The following RUNX1 variants were observed in gnomAD, a reference collection of about 807,000 sequenced individuals.
RUNX1 encodes runt-related transcription factor 1.
In RUNX1, 19 loss-of-function variants were observed where a neutral mutation model predicts 42.8. The ratio of observed to expected loss-of-function variants is 0.44; its 90% CI spans 0.31 to 0.65. RUNX1 has a LOEUF of 0.65. Among genes scored for constraint, RUNX1 ranks in the 30% least tolerant of loss-of-function variants. The pLI is 0.07. For synonymous variants in RUNX1, 271 were observed against 289.4 expected, an observed-to-expected ratio of 0.94 and a Z score of 0.64; for missense variants, 528 against 672.0, an observed-to-expected ratio of 0.79 and a Z score of 2.37.
chr21:34,810,829 T>A (rs565639674), intron 7 of RUNX1, among the ~76,000 whole-genome samples: 47 of 152,266 alleles, frequency 3.1e-4, no homozygotes, highest in African/African-American at 1.1e-3. Context: ...TACTGTTGGC[T>A]TAGCTGGTTG....
At chr21:34,861,219 T>C (rs1377078968) in intron 5 of RUNX1, among the ~76,000 whole-genome samples, 11 of 152,196 alleles carry the variant, frequency 7.2e-5, no homozygotes, top group Admixed American at 7.2e-4. Context: ...CTCTGGATGC[T>C]TTCCTACCGT....
rs1348569095 is a variant in RUNX1, at chr21:34,792,646, T to A, written c.968-36A>T. On this transcript the variant is annotated intron_variant, in intron 8 of 8. Coordinates refer to ENST00000675419, the MANE Select transcript of RUNX1 (RefSeq NM_001754.5). The surrounding 1 kb of genome is among the most constrained non-coding windows in gnomAD (Gnocchi z 6.9). ...GGCAAGAGAACGGAGCGGAAGTGAG[T>A]AGGAGGTTGCGGAGGCCACAGCTCT... 4.6e-6 allele frequency: 7 copies of A among 1,534,826 alleles called. No homozygotes were observed. The highest frequency in any genetic ancestry group is 2.0e-5 in the Admixed American group (1 of 50,804).
intron 2 of RUNX1, among the ~76,000 whole-genome samples, chr21:34,927,735 T>C (rs2058406826): frequency 6.6e-6 from 1 of 152,188 alleles, no homozygotes; most frequent in Admixed American, 6.5e-5. Context: ...GCCTGCCACA[T>C]AGTAGGCTCG....
intron 2 of RUNX1, among the ~76,000 whole-genome samples, chr21:34,974,125 A>C (rs987473703): frequency 2.6e-5 from 4 of 152,182 alleles, no homozygotes; most frequent in African/African-American, 9.7e-5. Flanking sequence ...CGTAAAAGCC[A>C]AGTGCAAAGA....
chr21:34,834,341 A>G, intron 7 of RUNX1, 69 bp downstream of exon 7: 1 of 1,513,600 alleles, frequency 6.6e-7, no homozygotes, highest in Non-Finnish European at 9.2e-7. Context: ...GTGTGTGCAC[A>G]TGGGGGCCAG....
At chr21:35,014,716 C>A (rs183190152) in intron 2 of RUNX1, among the ~76,000 whole-genome samples, 248 of 152,352 alleles carry the variant, frequency 1.6e-3, no homozygotes, top group African/African-American at 5.6e-3. Flanking sequence ...ATGGGCACTG[C>A]CAGGGCGTCC....
intron 2 of RUNX1, among the ~76,000 whole-genome samples, chr21:34,994,798 A>C (rs960350645): frequency 1.3e-5 from 2 of 152,226 alleles, no homozygotes; most frequent in African/African-American, 4.8e-5. Context: ...GTTGTAGTTA[A>C]ATTGGTCAAT....
intron 2 of RUNX1, among the ~76,000 whole-genome samples, chr21:34,924,384 G>T (rs1569107174): frequency 6.6e-6 from 1 of 152,198 alleles, no homozygotes; most frequent in Non-Finnish European, 1.5e-5. Context: ...GTGGCACAGG[G>T]TGGCTGGTGA....
intron 6 of RUNX1, 145 bp from the exon 7 acceptor site, chr21:34,834,746 G>A: frequency 2.7e-6 from 2 of 735,640 alleles, no homozygotes; most frequent in South Asian, 3.5e-5. Flanking sequence ...AGACTCGCTA[G>A]AGATATGCCA....
chr21:35,030,869 A>T (rs1235048833), intron 2 of RUNX1, among the ~76,000 whole-genome samples: 2 of 152,212 alleles, frequency 1.3e-5, no homozygotes, highest in Non-Finnish European at 2.9e-5. Flanking sequence ...AACTCAAACA[A>T]CTCAATAGCA....
chr21:34,970,324 A>G (rs1337311911), intron 2 of RUNX1, among the ~76,000 whole-genome samples: 2 of 152,224 alleles, frequency 1.3e-5, no homozygotes, highest in South Asian at 4.1e-4. Context: ...GATGACTCCA[A>G]CACCATTAAG....
At chr21:34,891,709 A>T (rs114360994) in intron 3 of RUNX1, among the ~76,000 whole-genome samples, 26,905 of 145,900 alleles carry the variant, frequency 0.18, 4,082 homozygotes, top group African/African-American at 0.42. Context: ...TGCAAAATTA[A>T]AAAAAAAAAA....
chr21:34,806,844 G>A (rs2056686943), intron 7 of RUNX1, among the ~76,000 whole-genome samples: 1 of 152,084 alleles, frequency 6.6e-6, no homozygotes, highest in Non-Finnish European at 1.5e-5. Context: ...AATATTTGGA[G>A]ATTAAACAAC....
At chr21:34,991,847 G>C (rs2058944732) in intron 2 of RUNX1, among the ~76,000 whole-genome samples, 1 of 152,188 alleles carries the variant, frequency 6.6e-6, no homozygotes, top group Non-Finnish European at 1.5e-5. Context: ...TCTAATGACT[G>C]ATGTCCTTAT....
intron 8 of RUNX1, among the ~76,000 whole-genome samples, chr21:34,796,721 G>A (rs1450130830): frequency 6.6e-6 from 1 of 152,164 alleles, no homozygotes; most frequent in Non-Finnish European, 1.5e-5. Flanking sequence ...GGTAATGGCT[G>A]CCTTAAAAGG....
At chr21:35,014,190 C>T (rs1448247166) in intron 2 of RUNX1, among the ~76,000 whole-genome samples, 1 of 152,114 alleles carries the variant, frequency 6.6e-6, no homozygotes, top group Admixed American at 6.5e-5. Flanking sequence ...TCTTAGTTAA[C>T]CAGAATCAGC....
chr21:34,832,553 G>A (rs541801465), intron 7 of RUNX1, among the ~76,000 whole-genome samples: 102 of 152,222 alleles, frequency 6.7e-4, no homozygotes, highest in African/African-American at 2.3e-3. Flanking sequence ...TCTTCCTTTT[G>A]ATTTTACACA....
At chr21:34,797,264 T>C (rs1165474046) in intron 8 of RUNX1, among the ~76,000 whole-genome samples, 1 of 152,204 alleles carries the variant, frequency 6.6e-6, no homozygotes, top group Admixed American at 6.5e-5. Flanking sequence ...TTTTATCTAC[T>C]TCACACTCCC....
intron 7 of RUNX1, among the ~76,000 whole-genome samples, chr21:34,807,801 C>T (rs561029497): frequency 2.0e-5 from 3 of 152,202 alleles, no homozygotes; most frequent in Non-Finnish European, 4.4e-5. Flanking sequence ...CCTAGGCTCC[C>T]CTTGCAGACA....
Sources: allele counts gnomAD v4.1 joint callset (sites outside exome capture counted in the v4.1 genomes callset), GRCh38; gene constraint gnomAD v4.1.1; non-coding constraint Gnocchi (gnomAD v3.1); transcripts MANE v1.5; gene names NCBI Gene and HGNC (gene_info 2026-07-23, HGNC 2026-07-21).